The following ZFR variants were observed in gnomAD, a reference collection of about 807,000 sequenced individuals.
The protein encoded by ZFR is zinc finger RNA binding protein.
A neutral mutation model predicts 130.7 loss-of-function variants in ZFR; 19 were observed. That is an observed-to-expected ratio of 0.15 (90% CI 0.10 to 0.21). The LOEUF (loss-of-function observed/expected upper bound fraction) is 0.21. ZFR is among the 10% of genes least tolerant of loss of function. The probability of loss-of-function intolerance (pLI) is 1.00; values close to 1 mark genes in which losing one functional copy is unlikely to be tolerated. For missense variants in ZFR, 872 were observed against 1,321.5 expected (o/e 0.66, Z 5.27); for synonymous variants, 466 against 456.9 (o/e 1.02, Z -0.25).
chr5:32,385,764 G>A (rs7718355), intron 14 of ZFR, 115 bp from the exon 15 acceptor site: 477,940 of 1,114,362 alleles, frequency 0.43, 103,098 homozygotes, highest in East Asian at 0.59. Context: ...ATGAGGACCA[G>A]ATTATATACT....
chr5:32,384,420 A>G (rs1423462955), intron 15 of ZFR, among the ~76,000 whole-genome samples: 1 of 152,180 alleles, frequency 6.6e-6, no homozygotes, highest in African/African-American at 2.4e-5. Flanking sequence ...ATAGCTCCCA[A>G]TGACATTTTT....
chr5:32,409,367 T>C (rs535538150), intron 5 of ZFR, among the ~76,000 whole-genome samples: 4 of 152,290 alleles, frequency 2.6e-5, no homozygotes, highest in Middle Eastern at 3.4e-3. Context: ...AAGTGCTATA[T>C]AAATGGTTGT....
chr5:32,399,947 T>C, intron 9 of ZFR, 60 bp downstream of exon 9: 1 of 1,411,798 alleles, frequency 7.1e-7, no homozygotes, highest in East Asian at 2.4e-5. Context: ...TAACATATGC[T>C]CGTAATGCAC....
intron 19 of ZFR, among the ~76,000 whole-genome samples, chr5:32,363,329 A>G (rs1014896603): frequency 1.3e-5 from 2 of 152,090 alleles, no homozygotes; most frequent in Non-Finnish European, 2.9e-5. Context: ...CTTTTTCATA[A>G]TTATTCAATA....
intron 9 of ZFR, among the ~76,000 whole-genome samples, chr5:32,399,063 C>G: frequency 6.6e-6 from 1 of 152,002 alleles, no homozygotes; most frequent in East Asian, 1.9e-4. Flanking sequence ...ATCATGAGGT[C>G]AGGAGTTCGA....
intron 15 of ZFR, among the ~76,000 whole-genome samples, chr5:32,382,335 C>G (rs1458309287): frequency 1.3e-5 from 2 of 152,126 alleles, no homozygotes; most frequent in Admixed American, 6.5e-5. Context: ...AACCAAACCC[C>G]TCACACACAC....
intron 5 of ZFR, among the ~76,000 whole-genome samples, chr5:32,412,104 A>C (rs1753727220): frequency 6.6e-6 from 1 of 152,238 alleles, no homozygotes; most frequent in Non-Finnish European, 1.5e-5. Flanking sequence ...CTACCACCAC[A>C]GGGTGAAAGA....
intron 17 of ZFR, among the ~76,000 whole-genome samples, chr5:32,371,115 A>T (rs1445417855): frequency 1.3e-5 from 2 of 152,338 alleles, no homozygotes; most frequent in Non-Finnish European, 1.5e-5. Flanking sequence ...CATGCCTATA[A>T]TCCCAGCACT....
intron 5 of ZFR, among the ~76,000 whole-genome samples, chr5:32,410,329 C>T (rs897613670): frequency 1.4e-5 from 2 of 147,020 alleles, no homozygotes; most frequent in Admixed American, 6.9e-5. Context: ...ATTATCAAGG[C>T]CAGGCGTGGT....
chr5:32,402,323 CA>C (rs1231910323), intron 8 of ZFR, among the ~76,000 whole-genome samples: 3 of 152,072 alleles, frequency 2.0e-5, no homozygotes, highest in African/African-American at 7.3e-5. Context: ...TCAACTGTGT[CA>C]AGTATTAGGA....
chr5:32,382,613 A>AT (rs886178269), intron 15 of ZFR, among the ~76,000 whole-genome samples: 13 of 151,442 alleles, frequency 8.6e-5, no homozygotes, highest in African/African-American at 3.2e-4. Context: ...ACCTATTGCA[A>AT]TTTTTTTTTC....
intron 12 of ZFR, among the ~76,000 whole-genome samples, chr5:32,389,467 A>T (rs1753113286): frequency 6.6e-6 from 1 of 152,212 alleles, no homozygotes; most frequent in Non-Finnish European, 1.5e-5. Context: ...TATAGGCATG[A>T]GCCACTGCAC....
chr5:32,422,614 T>C (rs781410901), intron 2 of ZFR, among the ~76,000 whole-genome samples: 18 of 151,430 alleles, frequency 1.2e-4, no homozygotes, highest in East Asian at 5.9e-4. Context: ...CTGGGCAACG[T>C]AGAAAGACCA....
chr5:32,385,388 A>T (rs1423399876), intron 15 of ZFR, 120 bp downstream of exon 15: 3 of 1,231,536 alleles, frequency 2.4e-6, no homozygotes, highest in Non-Finnish European at 3.4e-6. Flanking sequence ...AAATAAGTCA[A>T]ATCTATCAAA....
At chr5:32,381,101 T>A (rs981378032) in intron 15 of ZFR, among the ~76,000 whole-genome samples, 3 of 152,080 alleles carry the variant, frequency 2.0e-5, no homozygotes, top group Non-Finnish European at 4.4e-5. Flanking sequence ...GAACAGCGAA[T>A]AGGAACTAGT....
chr5:32,377,419 A>G (rs1050584393), intron 17 of ZFR, among the ~76,000 whole-genome samples: 3 of 151,078 alleles, frequency 2.0e-5, no homozygotes, highest in African/African-American at 7.3e-5. Context: ...TGACCTTGTG[A>G]TCCACCCGCC....
chr5:32,424,778 TGATAA>T (rs1423522432), intron 2 of ZFR, among the ~76,000 whole-genome samples: 3 of 152,296 alleles, frequency 2.0e-5, no homozygotes, highest in East Asian at 1.9e-4. Context: ...TAAATACTAT[TGATAA>T]GATAAAACAG....
rs745408218 is a variant in ZFR, at chr5:32,368,343, C to T, written c.2836-4068G>A. On this transcript the variant is annotated intron_variant, in intron 17 of 19. Transcript: ENST00000265069. ...CTCCACCTCCCAGGTTCAAGCGGTT[C>T]TCTTGCCTCCGCCTCCCAAGTAGCT... 2.2e-4 allele frequency among the ~76,000 whole-genome samples: 33 copies of T among 152,242 alleles called. 1 individual carries two copies. The highest frequency in any genetic ancestry group is 7.3e-5 in the Non-Finnish European group (5 of 68,036).
At chr5:32,432,612 G>A (rs955286887) in intron 2 of ZFR, among the ~76,000 whole-genome samples, 7 of 152,084 alleles carry the variant, frequency 4.6e-5, no homozygotes, top group African/African-American at 1.7e-4. Flanking sequence ...TTACAGGTGT[G>A]AGCCACAGCA....
Sources: allele counts gnomAD v4.1 joint callset (sites outside exome capture counted in the v4.1 genomes callset), GRCh38; gene constraint gnomAD v4.1.1; transcripts MANE v1.5; gene names NCBI Gene and HGNC (gene_info 2026-07-23, HGNC 2026-07-21).